ABL1: variants seen among roughly 807,000 people sequenced by gnomAD.
ABL1 encodes ABL proto-oncogene 1, non-receptor tyrosine kinase.
ABL1 carries 11 observed loss-of-function variants against 94.7 expected under a neutral mutation model. That is an observed-to-expected ratio of 0.12 (90% CI 0.07 to 0.19). The LOEUF (loss-of-function observed/expected upper bound fraction) is 0.19. Ranked by LOEUF, ABL1 falls within the 10% of genes least tolerant of loss-of-function variation. ABL1 has a pLI of 1.00. For missense variants in ABL1, 1,082 were observed against 1,489.4 expected (o/e 0.73, Z 4.50); for synonymous variants, 656 against 622.4 (o/e 1.05, Z -0.80).
intron 1 of ABL1, among the ~76,000 whole-genome samples, chr9:130,781,705 C>G (rs1829758368): frequency 6.6e-6 from 1 of 152,024 alleles, no homozygotes; most frequent in Non-Finnish European, 1.5e-5. Flanking sequence ...TTAGTGTGTA[C>G]TAAAAGTATA....
At chr9:130,732,126 G>T (rs1329168297) in intron 1 of ABL1, among the ~76,000 whole-genome samples, 1 of 151,524 alleles carries the variant, frequency 6.6e-6, no homozygotes, top group Non-Finnish European at 1.5e-5. Context: ...TTTTTTAACA[G>T]ACTAGCTACT....
At chr9:130,883,650 G>T (rs1420129217) in intron 10 of ABL1, among the ~76,000 whole-genome samples, 1 of 152,094 alleles carries the variant, frequency 6.6e-6, no homozygotes. Flanking sequence ...GTATAAAAAC[G>T]ATGACAAGGC....
chr9:130,796,250 C>T, intron 1 of ABL1, among the ~76,000 whole-genome samples: 1 of 152,052 alleles, frequency 6.6e-6, no homozygotes, highest in Admixed American at 6.5e-5. Context: ...TGGCTGGCCA[C>T]CATAGCTCAT....
chr9:130,752,884 G>A (rs979517345), intron 1 of ABL1, among the ~76,000 whole-genome samples: 16 of 151,994 alleles, frequency 1.1e-4, no homozygotes, highest in Non-Finnish European at 2.1e-4. Flanking sequence ...ACTTGAACCC[G>A]CGAGGCGGAG....
chr9:130,751,764 C>T (rs1464013556), intron 1 of ABL1, among the ~76,000 whole-genome samples: 2 of 152,216 alleles, frequency 1.3e-5, no homozygotes, highest in African/African-American at 2.4e-5. Flanking sequence ...CGTCCTGCCT[C>T]AGAAAACCAA....
chr9:130,838,167 A>C (rs969479569), intron 1 of ABL1, among the ~76,000 whole-genome samples: 3 of 152,234 alleles, frequency 2.0e-5, no homozygotes, highest in African/African-American at 4.8e-5. Context: ...CCAAAAGGTT[A>C]GGTAACTTGT....
chr9:130,882,375 G>T (rs1831472378), intron 10 of ABL1, among the ~76,000 whole-genome samples: 1 of 152,096 alleles, frequency 6.6e-6, no homozygotes, highest in South Asian at 2.1e-4. Flanking sequence ...GAGGGCTTTG[G>T]TGTTCCCTGA....
intron 1 of ABL1, among the ~76,000 whole-genome samples, chr9:130,745,698 A>G (rs1831879692): frequency 6.6e-6 from 1 of 152,020 alleles, no homozygotes; most frequent in South Asian, 2.1e-4. Flanking sequence ...TTTGAAATGC[A>G]TGTGGGAAAA....
At chr9:130,758,586 C>T (rs1398122613) in intron 1 of ABL1, among the ~76,000 whole-genome samples, 1 of 152,066 alleles carries the variant, frequency 6.6e-6, no homozygotes, top group Non-Finnish European at 1.5e-5. Flanking sequence ...GCGTGCGCCA[C>T]CAAGCCCAGA....
At chr9:130,853,414 T>C (rs1830911748) in intron 1 of ABL1, among the ~76,000 whole-genome samples, 1 of 150,186 alleles carries the variant, frequency 6.7e-6, no homozygotes, top group African/African-American at 2.5e-5. Flanking sequence ...GACCTCATGA[T>C]CCACCCCCGG....
chr9:130,847,858 C>T (rs915709016), intron 1 of ABL1, among the ~76,000 whole-genome samples: 4 of 152,122 alleles, frequency 2.6e-5, no homozygotes, highest in African/African-American at 7.2e-5. Context: ...TCGACATGTT[C>T]GGGACCATCC....
Position 130,885,956 on chromosome 9 carries a change from A to G in ABL1, c.*273A>G, listed in dbSNP as rs888316464. On this transcript the variant is annotated 3_prime_UTR_variant, in exon 11 of 11. Transcript: ENST00000318560. ...CTCCGTGGACTGCAGTCGGCATGCC[A>G]GGACCCGCCAGCCCCGCTCCCACCT... 6 of 469,060 alleles carry G rather than the reference A, an allele frequency of 1.3e-5. No homozygotes were observed. Among genetic ancestry groups the G allele is most frequent in the Non-Finnish European group, 2.3e-5 (6 of 264,408 alleles). The allele number at this position is 469,060 out of a possible 1,614,324, so 29.1% of individuals were successfully genotyped here.
At chr9:130,754,392 C>G (rs1832014906) in intron 1 of ABL1, among the ~76,000 whole-genome samples, 1 of 150,998 alleles carries the variant, frequency 6.6e-6, no homozygotes, top group Non-Finnish European at 1.5e-5. Flanking sequence ...CCTGTAGTCC[C>G]AGCTACTCGG....
At chr9:130,753,960 C>T (rs1005894097) in intron 1 of ABL1, among the ~76,000 whole-genome samples, 4 of 151,876 alleles carry the variant, frequency 2.6e-5, no homozygotes, top group African/African-American at 9.7e-5. Flanking sequence ...AATCCCAGCA[C>T]TTTGGGAGGC....
intron 1 of ABL1, among the ~76,000 whole-genome samples, chr9:130,729,548 A>C (rs1428423585): frequency 6.6e-6 from 1 of 152,212 alleles, no homozygotes; most frequent in Non-Finnish European, 1.5e-5. Flanking sequence ...AGTTGGAAGC[A>C]ACATGCAACT....
At chr9:130,740,973 ACAG>A (rs1831809873) in intron 1 of ABL1, among the ~76,000 whole-genome samples, 1 of 151,980 alleles carries the variant, frequency 6.6e-6, no homozygotes, top group African/African-American at 2.4e-5. Flanking sequence ...TGAGGAGTAA[ACAG>A]CTGCATGGTG....
At chr9:130,713,688 G>C (rs532058048) in exon 1 of ABL1, among the ~76,000 whole-genome samples, 1 of 152,318 alleles carries the variant, frequency 6.6e-6, no homozygotes, top group Non-Finnish European at 1.5e-5. Context: ...GGAAAAGTCT[G>C]GATTGGTTCC....
At chr9:130,715,362 C>G (rs191032744) in intron 1 of ABL1, among the ~76,000 whole-genome samples, 14 of 152,282 alleles carry the variant, frequency 9.2e-5, no homozygotes, top group Admixed American at 1.3e-4. Context: ...TATAAGCAAA[C>G]GTATGAAGTG....
Position 130,714,563 on chromosome 9 carries a change from TAATA to T in ABL1, c.136+112_136+115del, listed in dbSNP as rs754585662. On this transcript the variant is annotated intron_variant, in intron 1 of 10. Coordinates refer to the ABL1 transcript ENST00000372348. ...TGCGACAGTTCCTTCCAATTCCACT[TAATA>T]AATTTGTTACTGTAGTTATCTCTTA... The T allele has an allele frequency of 1.1e-5, 16 of 1,441,492 alleles. No homozygotes were observed. In the African/African-American group the frequency reaches 2.0e-4, roughly 18 times the overall value. The allele number at this position is 1,441,492 out of a possible 1,614,324, so 89.3% of individuals were successfully genotyped here.
Sources: gnomAD v4.1 joint callset for allele counts (sites outside exome capture counted in the v4.1 genomes callset) on GRCh38, gnomAD v4.1.1 for gene constraint, MANE v1.5 for transcripts, NCBI Gene and HGNC (gene_info 2026-07-23, HGNC 2026-07-21) for gene names.